SACS: variants seen among roughly 807,000 people sequenced by gnomAD.
SACS encodes sacsin.
In SACS, 197 loss-of-function variants were observed where a neutral mutation model predicts 348.0. The ratio of observed to expected loss-of-function variants is 0.57; its 90% CI spans 0.50 to 0.64. The LOEUF (loss-of-function observed/expected upper bound fraction) is 0.64, where lower values mean the gene tolerates loss of function less well. SACS is among the 30% of genes least tolerant of loss of function. The pLI is 0.00. For synonymous variants in SACS, 1,985 were observed against 1,910.6 expected (o/e 1.04, Z -1.02); for missense variants, 4,999 against 5,360.8 (o/e 0.93, Z 2.11).
chr13:23,399,982 T>G (rs1432902248), intron 2 of SACS, among the ~76,000 whole-genome samples: 1 of 152,194 alleles, frequency 6.6e-6, no homozygotes, highest in Non-Finnish European at 1.5e-5. Context: ...TGCTCCTGAC[T>G]GCTATCGGCC....
chr13:23,351,416 T>C (rs989018735), intron 9 of SACS, among the ~76,000 whole-genome samples: 2 of 152,040 alleles, frequency 1.3e-5, no homozygotes, highest in Non-Finnish European at 2.9e-5. Context: ...AATTGAATCA[T>C]AGGGGTGGTG....
chr13:23,356,877 C>G (rs1023480800), intron 7 of SACS, among the ~76,000 whole-genome samples: 14 of 152,194 alleles, frequency 9.2e-5, no homozygotes, highest in African/African-American at 3.4e-4. Flanking sequence ...CACCAACTCC[C>G]AAGCTTGTGG....
rs768645062 is a variant in SACS at position 23,368,525 on chromosome 13, A to T, written c.260-38T>A. Reference sequence around the variant, plus strand: ...GCACATTTTAAGTGAGTTAGAAAAAAAATCCCATGAATTGTCACCAATGTG... The same window carrying T: ...GCACATTTTAAGTGAGTTAGAAAAATAATCCCATGAATTGTCACCAATGTG... On this transcript the variant is annotated intron_variant, in intron 4 of 9. Coordinates refer to ENST00000382292, the MANE Select transcript of SACS (RefSeq NM_014363.6). The T allele has an allele frequency of 4.1e-6, 6 of 1,457,278 alleles. No individual in the cohort carries two copies. The African/African-American group carries it at 7.0e-5, about 17-fold the overall frequency. The allele number at this position is 1,457,278 out of a possible 1,614,324, so 90.3% of individuals were successfully genotyped here.
chr13:23,358,833 T>C (rs568781850), intron 6 of SACS, among the ~76,000 whole-genome samples: 170 of 152,196 alleles, frequency 1.1e-3, no homozygotes, highest in African/African-American at 3.9e-3. Context: ...AAATGGAAAA[T>C]ATTTACCAAA....
In SACS at chr13:23,375,194, G is replaced by A. The variant is rs1194980400; in HGVS notation, c.96C>T (p.Arg32=). 13 of 1,505,820 alleles carry A rather than the reference G, an allele frequency of 8.6e-6. No homozygotes were observed. Among genetic ancestry groups the A allele is most frequent in the Non-Finnish European group, 1.2e-5 (13 of 1,127,472 alleles). 93.3% of individuals were successfully genotyped at this position (1,505,820 alleles called of 1,614,324 possible). The change falls in exon 3 of 10, where the codon CGC becomes CGT. Residue 32 remains arginine (R), a synonymous_variant. Coordinates refer to ENST00000382292, the MANE Select transcript of SACS (RefSeq NM_014363.6). The stretch of plus-strand genomic sequence containing the variant: ...CCGCGAAGATACGTTCCTTCACATC[G>A]CGCACGGTCCAGGACGCCAGCGCCG... ...TVAALASWTV[R]DVKERIFAET... is the part of the protein sequence containing the mutation.
chr13:23,400,353 G>T (rs919387490), intron 2 of SACS, among the ~76,000 whole-genome samples: 2 of 152,182 alleles, frequency 1.3e-5, no homozygotes, highest in Non-Finnish European at 2.9e-5. Context: ...AGACCCCTTA[G>T]ATAGGAATTT....
intron 3 of SACS, among the ~76,000 whole-genome samples, chr13:23,372,535 A>T (rs1452715865): frequency 6.6e-6 from 1 of 152,202 alleles, no homozygotes; most frequent in Non-Finnish European, 1.5e-5. Flanking sequence ...TCATACTAGA[A>T]ATAGGAAATC....
intron 1 of SACS, among the ~76,000 whole-genome samples, chr13:23,419,812 A>G (rs1321957362): frequency 3.9e-5 from 6 of 152,200 alleles, no homozygotes; most frequent in Admixed American, 3.9e-4. Context: ...TTTAAAGAAT[A>G]TATATTCTTT....
chr13:23,391,564 G>A (rs1294495581), intron 2 of SACS, among the ~76,000 whole-genome samples: 4 of 110,262 alleles, frequency 3.6e-5, no homozygotes, highest in Non-Finnish European at 6.0e-5. Context: ...GCTCTACATC[G>A]GGACTCTGCG....
At chr13:23,369,420 A>G (rs1871249493) in intron 4 of SACS, among the ~76,000 whole-genome samples, 2 of 152,370 alleles carry the variant, frequency 1.3e-5, no homozygotes, top group African/African-American at 4.8e-5. Flanking sequence ...GTTTATCAGT[A>G]TAAAGAAACC....
At chr13:23,383,139 ATAT>A (rs1393743965) in intron 2 of SACS, among the ~76,000 whole-genome samples, 4 of 152,116 alleles carry the variant, frequency 2.6e-5, no homozygotes, top group Non-Finnish European at 4.4e-5. Flanking sequence ...TAATCTGAAA[ATAT>A]TATAGCTACA....
Position 23,331,623 on chromosome 13 carries a change from A to T in SACS, c.12253T>A (p.Leu4085Met). Residue 4085 changes from leucine to methionine, a missense_variant, in exon 10 of 10, where the codon TTG becomes ATG. Leu to Met is a conservative substitution (Grantham distance 15, BLOSUM62 2). Coordinates refer to ENST00000382292, the MANE Select transcript of SACS (RefSeq NM_014363.6). ...CTGTCTGAATGTTGAATGTAGAGCA[A>T]GATGACTGCATTACCAAATCGCTTC... is the stretch of plus-strand genomic sequence containing the variant. ...FLKRFGNAVI[L>M]LYIQHSDSKD... 1 of 1,613,994 alleles carries T rather than the reference A, an allele frequency of 6.2e-7. No homozygotes were observed. The highest frequency in any genetic ancestry group is 8.5e-7 in the Non-Finnish European group (1 of 1,179,918).
At position 23,331,551 on chromosome 13, in the gene SACS, C is replaced by G; in HGVS notation, c.12325G>C (p.Ala4109Pro). 1 of 1,613,692 alleles carries G rather than the reference C, an allele frequency of 6.2e-7. No individual in the cohort carries two copies. The highest frequency in any genetic ancestry group is 8.5e-7 in the Non-Finnish European group (1 of 1,179,680). ...GTGTCAGAAATCAAATTGTCAGTTG[C>G]TGATTTAAGAGTCATTGCCAATGCT... Reference protein sequence around the residue: ...LLALAMTLKSATDNLISDTSY... With the variant: ...LLALAMTLKSPTDNLISDTSY... The change falls in exon 10 of 10, where the codon GCA becomes CCA. Residue 4109 changes from alanine (A) to proline (P), a missense_variant. By Grantham distance (27) the Ala-to-Pro change is conservative. This residue lies in a region of SACS where 831 missense variants were observed against 941.8 expected (regional missense o/e 0.88). Coordinates refer to ENST00000382292, the MANE Select transcript of SACS (RefSeq NM_014363.6).
At chr13:23,423,662 C>T (rs994662648) in intron 1 of SACS, among the ~76,000 whole-genome samples, 4 of 152,042 alleles carry the variant, frequency 2.6e-5, no homozygotes, top group African/African-American at 7.2e-5. Flanking sequence ...CTGAATGGGA[C>T]GTGAGTTTTC....
Position 23,334,825 on chromosome 13 carries a change from C to T in SACS, c.9051G>A (p.Met3017Ile). 1 of 1,613,802 alleles carries T rather than the reference C, an allele frequency of 6.2e-7. No homozygotes were observed. Among genetic ancestry groups the T allele is most frequent in the Non-Finnish European group, 8.5e-7 (1 of 1,179,820 alleles). Residue 3017 changes from methionine (M) to isoleucine (I), a missense_variant, in exon 10 of 10, where the codon ATG becomes ATA. Coordinates refer to ENST00000382292, the MANE Select transcript of SACS (RefSeq NM_014363.6). ...HSAVIITWIN[M>I]STSNKTRPFF... is the part of the protein sequence containing the mutation. Reference sequence around the variant, plus strand: ...ATGGTCTAGTTTTATTAGAAGTAGACATATTGATCCAAGTAATTATAACTG... The same window carrying T: ...ATGGTCTAGTTTTATTAGAAGTAGATATATTGATCCAAGTAATTATAACTG...
Position 23,335,469 on chromosome 13 carries a change from T to G in SACS, c.8407A>C (p.Thr2803Pro). The G allele has an allele frequency of 6.2e-7, 1 of 1,613,720 alleles. No homozygotes were observed. Among genetic ancestry groups the G allele is most frequent in the African/African-American group, 1.3e-5 (1 of 75,032 alleles). The change falls in exon 10 of 10, where the codon ACC (threonine) becomes CCC (proline). Residue 2803 changes from threonine to proline, a missense_variant. Physicochemically the swap from Thr to Pro is conservative, Grantham distance 38 (BLOSUM62 -1). Around this residue, in one of 6 missense-constraint regions of SACS, gnomAD observed 3,156 missense variants for 3,380.1 expected, o/e 0.93. Coordinates refer to ENST00000382292, the MANE Select transcript of SACS (RefSeq NM_014363.6). This position sits in a 1 kb window ranked among gnomAD's most constrained non-coding sequence, Gnocchi z 4.7. ...QLKDIPVQQI[T>P]YTMDTEDSEG... is the part of the protein sequence containing the mutation. Reference sequence around the variant, plus strand: ...GAGTCCTCAGTATCCATAGTATAGGTTATTTGTTGAACTGGTATGTCTTTG... The same window carrying G: ...GAGTCCTCAGTATCCATAGTATAGGGTATTTGTTGAACTGGTATGTCTTTG...
chr13:23,348,076 T>C (rs1394528546), intron 9 of SACS, among the ~76,000 whole-genome samples: 1 of 152,210 alleles, frequency 6.6e-6, no homozygotes, highest in East Asian at 1.9e-4. Context: ...TGTTTCCTTT[T>C]TCTTCATCCA....
intron 2 of SACS, among the ~76,000 whole-genome samples, chr13:23,391,342 G>T (rs904394511): frequency 1.1e-4 from 16 of 152,328 alleles, no homozygotes; most frequent in African/African-American, 3.6e-4. Flanking sequence ...TGCCCCTGAG[G>T]CTCTGCCCAC....
chr13:23,411,034 T>G (rs1322536285), intron 2 of SACS, among the ~76,000 whole-genome samples, 186 bp downstream of exon 2: 1 of 152,208 alleles, frequency 6.6e-6, no homozygotes, highest in Non-Finnish European at 1.5e-5. Context: ...TCAAAGAAAT[T>G]ATTTTTAACC....
Sources: allele counts gnomAD v4.1 joint callset (sites outside exome capture counted in the v4.1 genomes callset), GRCh38; gene constraint gnomAD v4.1.1; regional missense constraint gnomAD v4.1.1; non-coding constraint Gnocchi (gnomAD v3.1); transcripts MANE v1.5; gene names NCBI Gene and HGNC (gene_info 2026-07-23, HGNC 2026-07-21).